ARSD: variants seen among roughly 807,000 people sequenced by gnomAD.
ARSD encodes testis tissue sperm-binding protein Li 39a.
ARSD carries 21 observed loss-of-function variants against 32.6 expected under a neutral mutation model. That is an observed-to-expected ratio of 0.64 (90% CI 0.46 to 0.93). The LOEUF (loss-of-function observed/expected upper bound fraction) is 0.93, where lower values mean the gene tolerates loss of function less well. Ranked by LOEUF, ARSD falls within the 40% of genes least tolerant of loss-of-function variation. The probability of loss-of-function intolerance (pLI) is 0.00; values close to 1 mark genes in which losing one functional copy is unlikely to be tolerated. For missense variants in ARSD, 454 were observed against 520.9 expected, an observed-to-expected ratio of 0.87 and a Z score of 1.25; for synonymous variants, 224 against 237.4, an observed-to-expected ratio of 0.94 and a Z score of 0.52.
intron 1 of ARSD, among the ~76,000 whole-genome samples, chrX:2,926,589 C>T (rs1174196800): frequency 9.0e-6 from 1 of 111,319 alleles, no homozygotes; most frequent in African/African-American, 3.3e-5. Context: ...CACACTAGAC[C>T]ATACAGGTCA....
In ARSD at chrX:2,929,223, C is replaced by A. The variant is rs2089126129; in HGVS notation, c.44+9G>T. The A allele has an allele frequency of 1.9e-6, 2 of 1,040,571 alleles. No homozygotes were observed. The highest frequency in any genetic ancestry group is 3.9e-5 in the African/African-American group (2 of 50,713). 85.8% of individuals were successfully genotyped at this position (1,040,571 alleles called of 1,213,427 possible). On this transcript the variant is annotated intron_variant, in intron 1 of 9. Transcript: ENST00000381154. ...CTTAGTATGGGCCGCGTCCCGGGGTCCCAGGCACCTGGCGGCGGGCGCGGC... is the reference window on the plus strand; with the variant it reads ...CTTAGTATGGGCCGCGTCCCGGGGTACCAGGCACCTGGCGGCGGGCGCGGC...
In ARSD at chrX:2,908,842, C is replaced by T. The variant is rs1237643566; in HGVS notation, c.1299G>A (p.Arg433=). 2.5e-6 allele frequency: 3 copies of T among 1,208,977 alleles called. No homozygotes were observed. The highest frequency in any genetic ancestry group is 3.4e-6 in the Non-Finnish European group (3 of 894,947). ...GTACCAGGCTGTGGCCATCAATCACCCTGATTTCATGAAGAGAACACAGAG... is the reference window on the plus strand; with the variant it reads ...GTACCAGGCTGTGGCCATCAATCACTCTGATTTCATGAAGAGAACACAGAG... ...QLVGGEVPQD[R]VIDGHSLVPL... is the part of the protein sequence containing the mutation. The change falls in exon 9 of 10, where the codon AGG becomes AGA. Residue 433 remains arginine, a splice_region_variant and synonymous_variant. Coordinates refer to ENST00000381154, the MANE Select transcript of ARSD (RefSeq NM_001669.4).
intron 2 of ARSD, among the ~76,000 whole-genome samples, chrX:2,924,988 C>T (rs1475499712): frequency 8.9e-6 from 1 of 111,776 alleles, no homozygotes; most frequent in Non-Finnish European, 1.9e-5. Context: ...ACCCTAAGGA[C>T]CTCAGTTTAA....
chrX:2,922,842 C>CAAAAAAAA (rs60380048), intron 2 of ARSD, among the ~76,000 whole-genome samples: 14 of 43,723 alleles, frequency 3.2e-4, no homozygotes, highest in African/African-American at 4.4e-4. Flanking sequence ...GACCGTGTCT[C>CAAAAAAAA]AAAAAAAAAA....
At chrX:2,911,263 C>T (rs1172709330) in intron 6 of ARSD, among the ~76,000 whole-genome samples, 1 of 110,718 alleles carries the variant, frequency 9.0e-6, no homozygotes, top group Non-Finnish European at 1.9e-5. Flanking sequence ...ATCCCAGCTA[C>T]TTGGGAGGCT....
At position 2,920,891 on chromosome X, in the gene ARSD, C is replaced by T. The variant is rs111361350; in HGVS notation, c.317-168G>A. On this transcript the variant is annotated intron_variant, in intron 3 of 9. Coordinates refer to ENST00000381154, the MANE Select transcript of ARSD (RefSeq NM_001669.4). Reference sequence around the variant, plus strand: ...AGCTATCAATTATCTACCCATCTATCGTCTGTCATCTATCTACCTACCTAC... The same window carrying T: ...AGCTATCAATTATCTACCCATCTATTGTCTGTCATCTATCTACCTACCTAC... Among the ~76,000 whole-genome samples, 290 of 112,025 alleles carry T rather than the reference C, an allele frequency of 2.6e-3. 1 individual carries two copies. The highest frequency in any genetic ancestry group is 8.9e-3 in the African/African-American group (276 of 30,868).
intron 6 of ARSD, chrX:2,913,635 A>G: frequency 1.0e-6 from 1 of 1,004,657 alleles, no homozygotes; most frequent in Non-Finnish European, 1.3e-6. Context: ...CTTCAAGGCC[A>G]TAGAAGGAAG....
At chrX:2,928,579 T>C (rs1433066242) in intron 1 of ARSD, among the ~76,000 whole-genome samples, 1 of 90,992 alleles carries the variant, frequency 1.1e-5, no homozygotes, top group African/African-American at 4.2e-5. Context: ...CGGGAGGGCG[T>C]CACAGCTGTG....
intron 5 of ARSD, 27 bp downstream of exon 5, chrX:2,917,777 C>T (rs781615277): frequency 8.4e-7 from 1 of 1,184,124 alleles, no homozygotes; most frequent in East Asian, 3.0e-5. Flanking sequence ...GGCCCCATCT[C>T]CTCTTTAAGA....
rs781587618 is a variant in ARSD at position 2,928,231 on chromosome X, G to A, written c.44+1001C>T. On this transcript the variant is annotated intron_variant, in intron 1 of 9. Coordinates refer to ENST00000381154, the MANE Select transcript of ARSD (RefSeq NM_001669.4). ...CATGGAGGCGGCACAAGGCCAAGGCGCCGGGGGATGGCCAGAGGGAAGTAA... is the reference window on the plus strand; with the variant it reads ...CATGGAGGCGGCACAAGGCCAAGGCACCGGGGGATGGCCAGAGGGAAGTAA... 1.7e-3 allele frequency among the ~76,000 whole-genome samples: 182 copies of A among 106,652 alleles called. No homozygotes were observed. The Middle Eastern group carries it at 0.024, about 14-fold the overall frequency. The allele number at this position is 106,652 out of a possible 115,157, so 92.6% of individuals were successfully genotyped here. A position where few individuals can be genotyped will look rare whatever the true frequency, so the allele number is the denominator to read the frequency against.
Position 2,907,278 on chromosome X carries a change from G to C in ARSD, c.1775C>G (p.Thr592Ser). The change falls in exon 10 of 10, where the codon ACC (threonine) becomes AGC (serine). Residue 592 changes from threonine (T) to serine (S), a missense_variant. Physicochemically the swap from Thr to Ser is moderately conservative, Grantham distance 58 (BLOSUM62 1). This residue lies in a region of ARSD where 179 missense variants were observed against 198.5 expected (regional missense o/e 0.90). Transcript: ENST00000381154. ...FCSCHEDGDG[T>S]P ...CTCTCACAGTCCTGGCATTCAGGGG[G>C]TGCCATCCCCATCCTCGTGGCATGA... 3.3e-6 allele frequency: 4 copies of C among 1,205,541 alleles called. No individual in the cohort carries two copies. The highest frequency in any genetic ancestry group is 3.0e-5 in the East Asian group (1 of 33,751).
chrX:2,926,857 G>A (rs1419998011), intron 1 of ARSD, among the ~76,000 whole-genome samples: 3 of 110,860 alleles, frequency 2.7e-5, no homozygotes, highest in Non-Finnish European at 5.7e-5. Flanking sequence ...TGGCATGATG[G>A]TGGCTTACAG....
chrX:2,907,353 A>C lies in ARSD; in HGVS notation c.1700T>G (p.Ile567Ser). The C allele has an allele frequency of 5.0e-6, 6 of 1,211,928 alleles. No individual in the cohort carries two copies. Among genetic ancestry groups the C allele is most frequent in the Non-Finnish European group, 6.7e-6 (6 of 895,575 alleles). Reference protein sequence around the residue: ...PVPQQFSMSNILWKPWLQPCC... With the variant: ...PVPQQFSMSNSLWKPWLQPCC... ...CGGCTGCAGCCACGGCTTCCACAGG[A>C]TGTTGCTCATGGAAAACTGCTGGGG... is the stretch of plus-strand genomic sequence containing the variant. Residue 567 changes from isoleucine to serine, a missense_variant, in exon 10 of 10, where the codon ATC becomes AGC. Around this residue, in one of 3 missense-constraint regions of ARSD, gnomAD observed 179 missense variants for 198.5 expected, o/e 0.90. Coordinates refer to ENST00000381154, the MANE Select transcript of ARSD (RefSeq NM_001669.4).
Position 2,918,100 on chromosome X carries a change from G to A in ARSD, c.567C>T (p.Pro189=). ...CCCTCAGGGCGGCGTCCACTTCGGG[G>A]GGCCTGCCTGGGTCACAGTCGTTTG... ...TLTNDCDPGR[P]PEVDAALRAQ... The change falls in exon 5 of 10, where the codon CCC becomes CCT. Residue 189 remains proline (P), a synonymous_variant. Transcript: ENST00000381154. The A allele has an allele frequency of 8.3e-7, 1 of 1,200,356 alleles. No individual in the cohort carries two copies. The highest frequency in any genetic ancestry group is 1.1e-6 in the Non-Finnish European group (1 of 889,415).
At chrX:2,925,481 C>G (rs911395387) in intron 2 of ARSD, 135 bp downstream of exon 2, 34 of 663,671 alleles carry the variant, frequency 5.1e-5, no homozygotes, top group Non-Finnish European at 6.6e-5. Context: ...TTTAAAAGGG[C>G]CTTTTTACCT....
rs1176208430 is a variant in ARSD, at chrX:2,905,348, G to A, written c.*1923C>T. ...CTGCAAAGACCTCGATAGATGGACT[G>A]AGGGGAATAGTGCAAGGTCCTCCCA... is the stretch of plus-strand genomic sequence containing the variant. On this transcript the variant is annotated 3_prime_UTR_variant, in exon 10 of 10. Coordinates refer to ENST00000381154, the MANE Select transcript of ARSD (RefSeq NM_001669.4). 1 of 201,858 alleles carries A rather than the reference G, an allele frequency of 5.0e-6. No homozygotes were observed. Among genetic ancestry groups the A allele is most frequent in the African/African-American group, 3.0e-5 (1 of 33,129 alleles). 16.6% of individuals were successfully genotyped at this position (201,858 alleles called of 1,213,427 possible). A position where few individuals can be genotyped will look rare whatever the true frequency, so the allele number is the denominator to read the frequency against.
At chrX:2,922,842 C>CAAAAAAAAA (rs60380048) in intron 2 of ARSD, among the ~76,000 whole-genome samples, 116 of 43,688 alleles carry the variant, frequency 2.7e-3, no homozygotes, top group Non-Finnish European at 3.9e-3. Context: ...GACCGTGTCT[C>CAAAAAAAAA]AAAAAAAAAA....
At chrX:2,924,160 G>A (rs1404910366) in intron 2 of ARSD, among the ~76,000 whole-genome samples, 1 of 112,812 alleles carries the variant, frequency 8.9e-6, no homozygotes, top group Non-Finnish European at 1.9e-5. Flanking sequence ...AGCTTCCTGA[G>A]TAGCTGGGAC....
rs2088844934 is a variant in ARSD at position 2,905,346 on chromosome X, C to A, written c.*1925G>T. Reference sequence around the variant, plus strand: ...TCCTGCAAAGACCTCGATAGATGGACTGAGGGGAATAGTGCAAGGTCCTCC... The same window carrying A: ...TCCTGCAAAGACCTCGATAGATGGAATGAGGGGAATAGTGCAAGGTCCTCC... On this transcript the variant is annotated 3_prime_UTR_variant, in exon 10 of 10. Transcript: ENST00000381154. 1 of 206,091 alleles carries A rather than the reference C, an allele frequency of 4.9e-6. No homozygotes were observed. Among genetic ancestry groups the A allele is most frequent in the Non-Finnish European group, 9.0e-6 (1 of 111,484 alleles). 17.0% of individuals were successfully genotyped at this position (206,091 alleles called of 1,213,427 possible).
Sources: allele counts gnomAD v4.1 joint callset (sites outside exome capture counted in the v4.1 genomes callset), GRCh38; gene constraint gnomAD v4.1.1; regional missense constraint gnomAD v4.1.1; transcripts MANE v1.5; gene names NCBI Gene and HGNC (gene_info 2026-07-23, HGNC 2026-07-21).